DEK: variants seen among roughly 807,000 people sequenced by gnomAD.
DEK encodes DEK proto-oncogene, also known as protein DEK.
A neutral mutation model predicts 46.8 loss-of-function variants in DEK; 28 were observed. The observed-to-expected ratio is 0.60, with a 90% CI of 0.44 to 0.82. The LOEUF is 0.82. DEK is among the 40% of genes least tolerant of loss of function. DEK has a pLI of 0.00. For synonymous variants in DEK, 160 were observed against 144.5 expected, an observed-to-expected ratio of 1.11 and a Z score of -0.77; for missense variants, 416 against 430.6, an observed-to-expected ratio of 0.97 and a Z score of 0.30.
intron 2 of DEK, among the ~76,000 whole-genome samples, chr6:18,261,956 GAA>G (rs1791891615): frequency 6.6e-6 from 1 of 152,184 alleles, no homozygotes; most frequent in Non-Finnish European, 1.5e-5. Flanking sequence ...ATTTCGTGTT[GAA>G]AAGTGATTTG....
At chr6:18,256,025 T>C (rs955573609) in intron 5 of DEK, among the ~76,000 whole-genome samples, 174 bp from the exon 6 acceptor site, 1 of 152,104 alleles carries the variant, frequency 6.6e-6, no homozygotes, top group Admixed American at 6.5e-5. Flanking sequence ...TTCGCTCTTG[T>C]TGCCCAGGCT....
intron 7 of DEK, among the ~76,000 whole-genome samples, chr6:18,243,500 TCTA>T: frequency 6.6e-6 from 1 of 152,266 alleles, no homozygotes; most frequent in Non-Finnish European, 1.5e-5. Context: ...CTCTCATTGC[TCTA>T]CTTCTGGGCA....
At chr6:18,258,535 A>G (rs1456171505) in intron 2 of DEK, 130 bp from the exon 3 acceptor site, 3 of 600,012 alleles carry the variant, frequency 5.0e-6, no homozygotes. Context: ...GGTTTTGGAA[A>G]GCAAATGACA....
At chr6:18,239,338 C>CTTTTT (rs58941276) in intron 7 of DEK, among the ~76,000 whole-genome samples, 10 of 78,288 alleles carry the variant, frequency 1.3e-4, no homozygotes, top group Non-Finnish European at 2.0e-4. Context: ...ATTTTAGTGT[C>CTTTTT]TTTTTTTTTT....
At chr6:18,259,137 C>T (rs927455893) in intron 2 of DEK, among the ~76,000 whole-genome samples, 3 of 151,398 alleles carry the variant, frequency 2.0e-5, no homozygotes, top group South Asian at 4.2e-4. Context: ...AAGACCATCC[C>T]GGCTAACTCG....
chr6:18,235,513 T>C (rs1163341440), intron 9 of DEK, among the ~76,000 whole-genome samples: 1 of 152,248 alleles, frequency 6.6e-6, no homozygotes, highest in East Asian at 1.9e-4. Context: ...TCTGTGGCAC[T>C]GCAGTACCTT....
intron 7 of DEK, among the ~76,000 whole-genome samples, chr6:18,240,324 A>C (rs1790845734): frequency 6.6e-6 from 1 of 152,232 alleles, no homozygotes; most frequent in Non-Finnish European, 1.5e-5. Context: ...TCATCTATTA[A>C]AATTTCTAAA....
In DEK at chr6:18,224,541, G is replaced by C. The variant is rs927669611; in HGVS notation, c.*1178C>G. 1 of 201,298 alleles carries C rather than the reference G, an allele frequency of 5.0e-6. No individual in the cohort carries two copies. Among genetic ancestry groups the C allele is most frequent in the Non-Finnish European group, 1.0e-5 (1 of 97,910 alleles). The allele number at this position is 201,298 out of a possible 1,614,324, so 12.5% of individuals were successfully genotyped here. ...AGTGGTCCATTATGTTGATCATCTA[G>C]AATCAACACTGATTAACCAAACTCT... On this transcript the variant is annotated 3_prime_UTR_variant, in exon 11 of 11. Coordinates refer to ENST00000652689, the MANE Select transcript of DEK (RefSeq NM_003472.4).
At chr6:18,252,147 T>G (rs1791402950) in intron 6 of DEK, among the ~76,000 whole-genome samples, 1 of 152,170 alleles carries the variant, frequency 6.6e-6, no homozygotes, top group Admixed American at 6.5e-5. Context: ...AATCAATGAT[T>G]AATGTTGTGT....
At chr6:18,254,596 A>G (rs1791528394) in intron 6 of DEK, among the ~76,000 whole-genome samples, 1 of 152,162 alleles carries the variant, frequency 6.6e-6, no homozygotes, top group South Asian at 2.1e-4. Context: ...TGGGGTCCTC[A>G]CTAATTTTTT....
chr6:18,230,103 C>A (rs894102381), intron 9 of DEK, among the ~76,000 whole-genome samples: 1 of 152,126 alleles, frequency 6.6e-6, no homozygotes, highest in Non-Finnish European at 1.5e-5. Flanking sequence ...AATTTTCAAC[C>A]CAGAATTTCA....
chr6:18,259,430 A>AAAAAAAAAAAAT (rs1554162685), intron 2 of DEK, among the ~76,000 whole-genome samples: 16 of 96,740 alleles, frequency 1.7e-4, no homozygotes, highest in South Asian at 2.9e-4. Flanking sequence ...AAAAAAAAAA[A>AAAAAAAAAAAAT]AAATCTAGAA....
intron 7 of DEK, among the ~76,000 whole-genome samples, chr6:18,246,270 T>C (rs7750525): frequency 0.16 from 24,842 of 152,196 alleles, 2,416 homozygotes; most frequent in East Asian, 0.25. Context: ...CCTTCCCAAT[T>C]GCTCTCCTTT....
chr6:18,259,821 G>A (rs1397601527), intron 2 of DEK, among the ~76,000 whole-genome samples: 1 of 152,206 alleles, frequency 6.6e-6, no homozygotes, highest in Non-Finnish European at 1.5e-5. Context: ...ATTTAGTAAT[G>A]TAAGGATTCG....
chr6:18,263,895 C>T lies in DEK; in HGVS notation c.93G>A (p.Glu31=). The change falls in exon 2 of 11, where the codon GAG becomes GAA. Residue 31 remains glutamate (E), a synonymous_variant. Coordinates refer to ENST00000652689, the MANE Select transcript of DEK (RefSeq NM_003472.4). ...KEPEMPGPRE[E]SEEEEDEDDE... is the part of the protein sequence containing the mutation. ...CGTCCTCGTCCTCTTCCTCCTCGCT[C>T]TCCTCTCTGGGACCGGGCATTTCGG... 6.2e-7 allele frequency: 1 copy of T among 1,612,916 alleles called. No individual in the cohort carries two copies. The highest frequency in any genetic ancestry group is 8.5e-7 in the Non-Finnish European group (1 of 1,179,424).
rs753599674 is a variant in DEK at position 18,237,528 on chromosome 6, G to A, written c.763-12C>T. 25 of 1,596,390 alleles carry A rather than the reference G, an allele frequency of 1.6e-5. 1 individual carries two copies. The South Asian group carries it at 2.8e-4, about 18-fold the overall frequency. On this transcript the variant is annotated splice_polypyrimidine_tract_variant and intron_variant, in intron 7 of 10. Coordinates refer to ENST00000652689, the MANE Select transcript of DEK (RefSeq NM_003472.4). ...GTCTTTTTTGGTGGCTGTTACAAAA[G>A]AAAGTAAAAGTACACATATTGATGA... is the stretch of plus-strand genomic sequence containing the variant.
intron 9 of DEK, among the ~76,000 whole-genome samples, chr6:18,235,625 G>A (rs531279170): frequency 1.6e-4 from 25 of 152,230 alleles, no homozygotes; most frequent in African/African-American, 6.0e-4. Context: ...GCTAAGTAAT[G>A]GCTTCTCTGG....
Position 18,256,434 on chromosome 6 carries a change from C to A in DEK, c.379G>T (p.Val127Leu). The A allele has an allele frequency of 6.2e-7, 1 of 1,612,976 alleles. No homozygotes were observed. Among genetic ancestry groups the A allele is most frequent in the Non-Finnish European group, 8.5e-7 (1 of 1,179,522 alleles). ...PGTVSSLKKN[V>L]GQFSGFPFEK... ...AATGGAAAGCCACTGAACTGACCCA[C>A]ATTCTTCTTTAATGAGGACACCTGA... The change falls in exon 5 of 11, where the codon GTG becomes TTG. Residue 127 changes from valine to leucine, a missense_variant. By Grantham distance (32) the Val-to-Leu change is conservative. Coordinates refer to ENST00000652689, the MANE Select transcript of DEK (RefSeq NM_003472.4).
intron 5 of DEK, 105 bp downstream of exon 5, chr6:18,256,256 G>T: frequency 4.1e-6 from 4 of 972,256 alleles, no homozygotes; most frequent in African/African-American, 1.7e-5. Context: ...CAAAGTGCTG[G>T]GATTACAGGT....
Sources: gnomAD v4.1 joint callset for allele counts (sites outside exome capture counted in the v4.1 genomes callset) on GRCh38, gnomAD v4.1.1 for gene constraint, MANE v1.5 for transcripts, NCBI Gene and HGNC (gene_info 2026-07-23, HGNC 2026-07-21) for gene names.